Variants in KYNU observed in about 807,000 individuals in gnomAD.
The protein encoded by KYNU is L-kynurenine hydrolase.
KYNU carries 54 observed loss-of-function variants against 59.2 expected under a neutral mutation model. The observed-to-expected ratio is 0.91, with a 90% CI of 0.73 to 1.14. The LOEUF is 1.14. KYNU is among the 50% of genes most tolerant of loss of function. KYNU has a pLI of 0.00. For missense variants in KYNU, 567 were observed against 554.4 expected, an observed-to-expected ratio of 1.02 and a Z score of -0.23; for synonymous variants, 177 against 192.0, an observed-to-expected ratio of 0.92 and a Z score of 0.65.
At chr2:142,922,686 C>T (rs1682922392) in intron 3 of KYNU, among the ~76,000 whole-genome samples, 1 of 152,114 alleles carries the variant, frequency 6.6e-6, no homozygotes, top group African/African-American at 2.4e-5. Context: ...ATATTGCCTA[C>T]CACACCTAAG....
At chr2:142,910,666 G>A (rs1250354211) in intron 2 of KYNU, among the ~76,000 whole-genome samples, 1 of 152,062 alleles carries the variant, frequency 6.6e-6, no homozygotes, top group Non-Finnish European at 1.5e-5. Flanking sequence ...TGTCCAGGAT[G>A]ATATTTCCTA....
chr2:142,930,469 A>G (rs544572265), intron 4 of KYNU, among the ~76,000 whole-genome samples: 1 of 152,232 alleles, frequency 6.6e-6, no homozygotes, highest in South Asian at 2.1e-4. Flanking sequence ...GGTGGCTTAA[A>G]CAATATAAGT....
At chr2:142,902,190 C>T (rs1436426991) in intron 2 of KYNU, among the ~76,000 whole-genome samples, 1 of 152,204 alleles carries the variant, frequency 6.6e-6, no homozygotes, top group East Asian at 1.9e-4. Flanking sequence ...TACCCGTAAA[C>T]AATGATGCCA....
At chr2:143,032,020 GTAA>G (rs1686760948) in intron 11 of KYNU, among the ~76,000 whole-genome samples, 1 of 152,136 alleles carries the variant, frequency 6.6e-6, no homozygotes, top group African/African-American at 2.4e-5. Flanking sequence ...GCTCACGCCT[GTAA>G]TCCCAGCACT....
At chr2:143,029,185 G>C (rs1403198088) in intron 10 of KYNU, among the ~76,000 whole-genome samples, 1 of 152,082 alleles carries the variant, frequency 6.6e-6, no homozygotes, top group East Asian at 1.9e-4. Context: ...ATTACCATAT[G>C]ATACCAGATA....
intron 8 of KYNU, among the ~76,000 whole-genome samples, chr2:142,981,151 G>A (rs533648139): frequency 7.9e-5 from 12 of 152,036 alleles, no homozygotes; most frequent in Non-Finnish European, 2.9e-5. Flanking sequence ...ATTTTTCAAC[G>A]TGGTACCACA....
intron 8 of KYNU, among the ~76,000 whole-genome samples, chr2:142,979,808 T>C (rs1398278832): frequency 6.6e-6 from 1 of 151,760 alleles, no homozygotes; most frequent in Non-Finnish European, 1.5e-5. Flanking sequence ...AAAAAATAAA[T>C]AGCTATGTCA....
intron 10 of KYNU, among the ~76,000 whole-genome samples, chr2:143,000,670 G>C (rs929879824): frequency 6.6e-6 from 1 of 152,202 alleles, no homozygotes; most frequent in Non-Finnish European, 1.5e-5. Context: ...TAACTGGTGA[G>C]TGACAGTGGT....
At chr2:142,916,220 AT>A (rs917870473) in intron 2 of KYNU, among the ~76,000 whole-genome samples, 1 of 152,098 alleles carries the variant, frequency 6.6e-6, no homozygotes, top group Non-Finnish European at 1.5e-5. Context: ...CTCAAGGAGG[AT>A]TTACTGAATG....
intron 4 of KYNU, among the ~76,000 whole-genome samples, chr2:142,941,629 G>A (rs1279414498): frequency 6.6e-6 from 1 of 152,178 alleles, no homozygotes; most frequent in Non-Finnish European, 1.5e-5. Context: ...TAGGAAGGGT[G>A]TGATAGCTCC....
At chr2:143,028,123 T>C (rs912160021) in intron 10 of KYNU, among the ~76,000 whole-genome samples, 1 of 152,054 alleles carries the variant, frequency 6.6e-6, no homozygotes, top group African/African-American at 2.4e-5. Context: ...GATATTTCTC[T>C]TTCTAAATTT....
At chr2:142,902,574 A>G (rs1241735192) in intron 2 of KYNU, among the ~76,000 whole-genome samples, 1 of 152,200 alleles carries the variant, frequency 6.6e-6, no homozygotes, top group African/African-American at 2.4e-5. Flanking sequence ...TAGGCTGGAT[A>G]CATTTCTTAC....
chr2:142,987,384 C>T (rs1685240380), intron 10 of KYNU, among the ~76,000 whole-genome samples: 2 of 151,876 alleles, frequency 1.3e-5, no homozygotes, highest in Non-Finnish European at 2.9e-5. Context: ...TAAGCTTTGA[C>T]CTCCTAGCAC....
At chr2:142,913,464 CA>C (rs1384948258) in intron 2 of KYNU, among the ~76,000 whole-genome samples, 1 of 152,100 alleles carries the variant, frequency 6.6e-6, no homozygotes, top group Non-Finnish European at 1.5e-5. Context: ...CAAAGTCATT[CA>C]GGAGTAAGTT....
chr2:143,054,841 G>A lies in KYNU; in HGVS notation c.*12669G>A, dbSNP rs1032883337. ...AGGCACTACCCTGAATTATGAGACTGAAGAGATATAATAAACAAATGCAAT... is the reference window on the plus strand; with the variant it reads ...AGGCACTACCCTGAATTATGAGACTAAAGAGATATAATAAACAAATGCAAT... On this transcript the variant is annotated 3_prime_UTR_variant, in exon 14 of 14. Coordinates refer to ENST00000264170, the MANE Select transcript of KYNU (RefSeq NM_003937.3). 6.6e-6 allele frequency: 1 copy of A among 152,184 alleles called. No homozygotes were observed. Among genetic ancestry groups the A allele is most frequent in the Non-Finnish European group, 1.5e-5 (1 of 68,022 alleles). 9.4% of individuals were successfully genotyped at this position (152,184 alleles called of 1,614,324 possible).
At chr2:142,911,916 A>T (rs1450250942) in intron 2 of KYNU, among the ~76,000 whole-genome samples, 1 of 152,160 alleles carries the variant, frequency 6.6e-6, no homozygotes, top group Non-Finnish European at 1.5e-5. Context: ...GTGGTGAAAT[A>T]ACTTTTTCAT....
chr2:143,047,650 CTT>C lies in KYNU; in HGVS notation c.*5479_*5480del, dbSNP rs1687187350. On this transcript the variant is annotated 3_prime_UTR_variant, in exon 14 of 14. Transcript: ENST00000264170. ...CTCACTGCAACCTCCAACTCAAACA[CTT>C]GAGTGATCCTCTGTCCCCCGTTTCC... 1 of 151,790 alleles carries C rather than the reference CTT, an allele frequency of 6.6e-6. No homozygotes were observed. The highest frequency in any genetic ancestry group is 1.5e-5 in the Non-Finnish European group (1 of 68,012). 9.4% of individuals were successfully genotyped at this position (151,790 alleles called of 1,614,324 possible). A position where few individuals can be genotyped will look rare whatever the true frequency, so the allele number is the denominator to read the frequency against.
At position 143,049,184 on chromosome 2, in the gene KYNU, C is replaced by A. The variant is rs2104933823; in HGVS notation, c.*7012C>A. The A allele has an allele frequency of 6.6e-6, 1 of 152,024 alleles. No homozygotes were observed. The highest frequency in any genetic ancestry group is 2.1e-4 in the South Asian group (1 of 4,826). The allele number at this position is 152,024 out of a possible 1,614,324, so 9.4% of individuals were successfully genotyped here. A position where few individuals can be genotyped will look rare whatever the true frequency, so the allele number is the denominator to read the frequency against. ...GCCTTTAACTTCATATTTTCTATTT[C>A]TTTGAATTTCTGGGCTGCATTCTTA... On this transcript the variant is annotated 3_prime_UTR_variant, in exon 14 of 14. Coordinates refer to ENST00000264170, the MANE Select transcript of KYNU (RefSeq NM_003937.3).
At position 143,013,682 on chromosome 2, in the gene KYNU, T is replaced by C. The variant is rs539195655; in HGVS notation, c.903-15945T>C. ...TGGTCTTGTAACTTCTAGGTAAGCTTAGTGACTTTTGTTGTTTTTCTCAGT... is the reference window on the plus strand; with the variant it reads ...TGGTCTTGTAACTTCTAGGTAAGCTCAGTGACTTTTGTTGTTTTTCTCAGT... On this transcript the variant is annotated intron_variant, in intron 10 of 13. Transcript: ENST00000264170. 2.6e-5 allele frequency among the ~76,000 whole-genome samples: 4 copies of C among 152,330 alleles called. No individual in the cohort carries two copies. The East Asian group carries it at 7.7e-4, about 29-fold the overall frequency.
Sources: allele counts gnomAD v4.1 joint callset (sites outside exome capture counted in the v4.1 genomes callset), GRCh38; gene constraint gnomAD v4.1.1; transcripts MANE v1.5; gene names NCBI Gene and HGNC (gene_info 2026-07-23, HGNC 2026-07-21).